MFSD6: variants seen among roughly 807,000 people sequenced by gnomAD.
The protein encoded by MFSD6 is major facilitator superfamily domain containing 6.
In MFSD6, 26 loss-of-function variants were observed where a neutral mutation model predicts 56.3. The observed-to-expected ratio is 0.46, with a 90% CI of 0.34 to 0.64. MFSD6 has a LOEUF of 0.64. Ranked by LOEUF, MFSD6 falls within the 30% of genes least tolerant of loss-of-function variation. The pLI is 0.01. For missense variants in MFSD6, 750 were observed against 986.2 expected (o/e 0.76, Z 3.21); for synonymous variants, 331 against 366.9 (o/e 0.90, Z 1.12).
intron 3 of MFSD6, among the ~76,000 whole-genome samples, chr2:190,466,679 A>G (rs1215305851): frequency 6.6e-6 from 1 of 152,246 alleles, no homozygotes; most frequent in Non-Finnish European, 1.5e-5. Flanking sequence ...CCCACTTGAT[A>G]TATGAGGAAA....
In MFSD6 at chr2:190,418,980, A is replaced by G. The variant is rs371052470; in HGVS notation, c.-54+3567A>G. ...TCATCATTTGGCTTTGCCATAAAGG[A>G]ACCATGTCACAATACCCTGAAAGGA... On this transcript the variant is annotated intron_variant, in intron 2 of 7. Coordinates refer to ENST00000392328, the MANE Select transcript of MFSD6 (RefSeq NM_017694.4). The surrounding 1 kb of genome is among the most constrained non-coding windows in gnomAD (Gnocchi z 4.1). Among the ~76,000 whole-genome samples the G allele has an allele frequency of 2.6e-5, 4 of 152,228 alleles. No individual in the cohort carries two copies. Among genetic ancestry groups the G allele is most frequent in the African/African-American group, 9.6e-5 (4 of 41,460 alleles).
At chr2:190,408,338 C>A, upstream of MFSD6, 1 of 151,962 alleles carries the variant, frequency 6.6e-6, no homozygotes, top group South Asian at 1.8e-4. Context: ...CTCGCCTCGC[C>A]GCGCCCCGCC....
intron 3 of MFSD6, among the ~76,000 whole-genome samples, chr2:190,448,469 T>G (rs1297831393): frequency 2.0e-5 from 3 of 152,162 alleles, no homozygotes. Flanking sequence ...AGGTGAAATG[T>G]TAATGCAGGG....
intron 1 of MFSD6, chr2:190,411,566 A>T (rs1404648924): frequency 1.0e-6 from 1 of 981,928 alleles, no homozygotes; most frequent in Non-Finnish European, 1.2e-6. Context: ...TGGAACAAGC[A>T]TGTGTTCTCT....
At position 190,498,790 on chromosome 2, in the gene MFSD6, C is replaced by T. The variant is rs561003257; in HGVS notation, c.2172+1071C>T. Among the ~76,000 whole-genome samples the T allele has an allele frequency of 2.0e-5, 3 of 152,156 alleles. No individual in the cohort carries two copies. The highest frequency in any genetic ancestry group is 4.4e-5 in the Non-Finnish European group (3 of 68,032). Reference sequence around the variant, plus strand: ...TTTCATTACTTTGTGTACTCATCCTCATTTTCACAGAAGCCACATAAAATT... The same window carrying T: ...TTTCATTACTTTGTGTACTCATCCTTATTTTCACAGAAGCCACATAAAATT... On this transcript the variant is annotated intron_variant, in intron 7 of 7. Transcript: ENST00000392328. This position sits in a 1 kb window ranked among gnomAD's most constrained non-coding sequence, Gnocchi z 5.9.
In MFSD6 at chr2:190,429,227, C is replaced by CGTGTGT. The variant is rs34375122; in HGVS notation, c.-53-6733_-53-6728dup. 1.0e-3 allele frequency among the ~76,000 whole-genome samples: 151 copies of CGTGTGT among 148,908 alleles called. 1 individual carries two copies. The highest frequency in any genetic ancestry group is 4.8e-3 in the Admixed American group (71 of 14,878). On this transcript the variant is annotated intron_variant, in intron 2 of 7. Coordinates refer to ENST00000392328, the MANE Select transcript of MFSD6 (RefSeq NM_017694.4). ...ATATATCTGTATAATTCTTTTGTTA[C>CGTGTGT]GTGTGTGTGTGTGTGTGTGTGTATA...
In MFSD6 at chr2:190,451,089, AG is replaced by A. The variant is rs1459071346; in HGVS notation, c.1532+13529del. ...CTAAGCCCTGGTAGGATCGTTGAGT[AG>A]TGTAGTAGTTACCCTGTTTTCTTTT... is the stretch of plus-strand genomic sequence containing the variant. On this transcript the variant is annotated intron_variant, in intron 3 of 7. Coordinates refer to ENST00000392328, the MANE Select transcript of MFSD6 (RefSeq NM_017694.4). The surrounding 1 kb of genome is among the most constrained non-coding windows in gnomAD (Gnocchi z 5.0). Among the ~76,000 whole-genome samples the A allele has an allele frequency of 6.6e-6, 1 of 152,196 alleles. No homozygotes were observed. Among genetic ancestry groups the A allele is most frequent in the East Asian group, 1.9e-4 (1 of 5,196 alleles).
At position 190,451,090 on chromosome 2, in the gene MFSD6, G is replaced by A; in HGVS notation, c.1532+13529G>A. 6.6e-6 allele frequency among the ~76,000 whole-genome samples: 1 copy of A among 152,190 alleles called. No individual in the cohort carries two copies. Among genetic ancestry groups the A allele is most frequent in the East Asian group, 1.9e-4 (1 of 5,194 alleles). The stretch of plus-strand genomic sequence containing the variant: ...TAAGCCCTGGTAGGATCGTTGAGTA[G>A]TGTAGTAGTTACCCTGTTTTCTTTT... On this transcript the variant is annotated intron_variant, in intron 3 of 7. Transcript: ENST00000392328. This position sits in a 1 kb window ranked among gnomAD's most constrained non-coding sequence, Gnocchi z 5.0.
Position 190,418,005 on chromosome 2 carries a change from TGA to T in MFSD6, c.-54+2605_-54+2606del, listed in dbSNP as rs1553516530. 4.0e-5 allele frequency among the ~76,000 whole-genome samples: 6 copies of T among 149,994 alleles called. No individual in the cohort carries two copies. Among genetic ancestry groups the T allele is most frequent in the Non-Finnish European group, 8.9e-5 (6 of 67,234 alleles). Reference sequence around the variant, plus strand: ...GTGTGTGTGTGTGTGTGTGTGTATGTGAGAGAGAGAGAGATGTGGTTTATCAT... The same window carrying T: ...GTGTGTGTGTGTGTGTGTGTGTATGTGAGAGAGAGAGATGTGGTTTATCAT... On this transcript the variant is annotated intron_variant, in intron 2 of 7. Transcript: ENST00000392328. The surrounding 1 kb of genome is among the most constrained non-coding windows in gnomAD (Gnocchi z 4.1).
intron 3 of MFSD6, among the ~76,000 whole-genome samples, chr2:190,450,563 G>C (rs1224941087): frequency 8.0e-6 from 1 of 125,698 alleles, no homozygotes; most frequent in African/African-American, 3.0e-5. Flanking sequence ...TGCAATCTCA[G>C]CTCACTGCAG....
At chr2:190,452,517 C>G (rs2125091274) in intron 3 of MFSD6, among the ~76,000 whole-genome samples, 1 of 152,268 alleles carries the variant, frequency 6.6e-6, no homozygotes, top group South Asian at 2.1e-4. Context: ...CATGATGACA[C>G]AGCCAGTAAA....
At position 190,467,364 on chromosome 2, in the gene MFSD6, G is replaced by C. The variant is rs567902436; in HGVS notation, c.1533-2394G>C. Among the ~76,000 whole-genome samples, 1 of 148,884 alleles carries C rather than the reference G, an allele frequency of 6.7e-6. No homozygotes were observed. On this transcript the variant is annotated intron_variant, in intron 3 of 7. Coordinates refer to ENST00000392328, the MANE Select transcript of MFSD6 (RefSeq NM_017694.4). This position sits in a 1 kb window ranked among gnomAD's most constrained non-coding sequence, Gnocchi z 5.5. ...GAGCTGGCTCATGCCTGTAATTCCA[G>C]CATTTTGGGAGGCCGAGGTGGGCGG... is the stretch of plus-strand genomic sequence containing the variant.
chr2:190,441,820 C>T (rs970023597), intron 3 of MFSD6, among the ~76,000 whole-genome samples: 5 of 152,148 alleles, frequency 3.3e-5, no homozygotes. Context: ...TCTCTCCTCT[C>T]TTTATTCTTC....
chr2:190,482,875 T>TA (rs1395744937), intron 4 of MFSD6, among the ~76,000 whole-genome samples: 2 of 25,152 alleles, frequency 8.0e-5, no homozygotes, highest in African/African-American at 2.0e-4. Context: ...CATCTTTTTT[T>TA]TTTTTTTTTT....
At chr2:190,409,842 T>G (rs1342644475) in intron 1 of MFSD6, among the ~76,000 whole-genome samples, 1 of 152,204 alleles carries the variant, frequency 6.6e-6, no homozygotes, top group Non-Finnish European at 1.5e-5. Flanking sequence ...TATGGTCAGC[T>G]GTTTAGTGAT....
chr2:190,489,951 A>G lies in MFSD6; in HGVS notation c.1891+85A>G. The G allele has an allele frequency of 1.7e-6, 2 of 1,159,134 alleles. No homozygotes were observed. Among genetic ancestry groups the G allele is most frequent in the Non-Finnish European group, 1.2e-6 (1 of 814,580 alleles). 71.8% of individuals were successfully genotyped at this position (1,159,134 alleles called of 1,614,324 possible). On this transcript the variant is annotated intron_variant, in intron 6 of 7. Coordinates refer to ENST00000392328, the MANE Select transcript of MFSD6 (RefSeq NM_017694.4). The surrounding 1 kb of genome is among the most constrained non-coding windows in gnomAD (Gnocchi z 6.6). Reference sequence around the variant, plus strand: ...ATGCCCCGAGAAGCCTAGAAGTGGTACAGAGTATACAACAGGTCTGTTTGG... The same window carrying G: ...ATGCCCCGAGAAGCCTAGAAGTGGTGCAGAGTATACAACAGGTCTGTTTGG...
In MFSD6 at chr2:190,499,925, A is replaced by G. The variant is rs1689937336; in HGVS notation, c.2173-90A>G. Reference sequence around the variant, plus strand: ...ATGGGCACTTCCGGATGATCTCCCCATGTTTCCTGTCTTACTTGAAAGCAT... The same window carrying G: ...ATGGGCACTTCCGGATGATCTCCCCGTGTTTCCTGTCTTACTTGAAAGCAT... On this transcript the variant is annotated intron_variant, in intron 7 of 7. Transcript: ENST00000392328. This position sits in a 1 kb window ranked among gnomAD's most constrained non-coding sequence, Gnocchi z 6.0. 5 of 1,590,044 alleles carry G rather than the reference A, an allele frequency of 3.1e-6. No individual in the cohort carries two copies. The highest frequency in any genetic ancestry group is 1.1e-5 in the South Asian group (1 of 88,034).
chr2:190,464,774 C>A, intron 3 of MFSD6: 1 of 261,088 alleles, frequency 3.8e-6, no homozygotes, highest in Non-Finnish European at 6.0e-6. Flanking sequence ...CCCAACTAGG[C>A]TGTAAGTCCC....
intron 4 of MFSD6, among the ~76,000 whole-genome samples, chr2:190,478,163 G>T (rs1688449391): frequency 6.6e-6 from 1 of 152,166 alleles, no homozygotes; most frequent in Non-Finnish European, 1.5e-5. Context: ...GCTTCCTAGG[G>T]CAGGCTACGA....
Sources: allele counts gnomAD v4.1 joint callset (sites outside exome capture counted in the v4.1 genomes callset), GRCh38; gene constraint gnomAD v4.1.1; non-coding constraint Gnocchi (gnomAD v3.1); transcripts MANE v1.5; gene names NCBI Gene and HGNC (gene_info 2026-07-23, HGNC 2026-07-21).